The following CADM3 variants were observed in gnomAD, a reference collection of about 807,000 sequenced individuals.
CADM3 encodes cell adhesion molecule 3, also known as TSLC1-like 1.
A neutral mutation model predicts 44.9 loss-of-function variants in CADM3; 11 were observed. The ratio of observed to expected loss-of-function variants is 0.25; its 90% CI spans 0.15 to 0.41. The LOEUF is 0.41. Among genes scored for constraint, CADM3 ranks in the 10% least tolerant of loss-of-function variants. The pLI, the probability that CADM3 is intolerant of heterozygous loss-of-function variation, is 1.00. For synonymous variants in CADM3, 207 were observed against 205.2 expected, an observed-to-expected ratio of 1.01 and a Z score of -0.08; for missense variants, 426 against 512.0, an observed-to-expected ratio of 0.83 and a Z score of 1.62.
chr1:159,182,407 C>T (rs1217659949), intron 1 of CADM3, among the ~76,000 whole-genome samples: 1 of 152,154 alleles, frequency 6.6e-6, no homozygotes, highest in East Asian at 1.9e-4. Context: ...GTCAAATTAA[C>T]CACTGAATTA....
At chr1:159,171,897 C>A in intron 1 of CADM3, 44 bp downstream of exon 1, 2 of 1,181,410 alleles carry the variant, frequency 1.7e-6, no homozygotes, top group South Asian at 4.3e-5. Context: ...GGGGAGTGAC[C>A]CGAGGCGGGG....
In CADM3 at chr1:159,193,633, G is replaced by C. The variant is rs567466961; in HGVS notation, c.520+73G>C. Reference sequence around the variant, plus strand: ...GAGAGAGAAGTGCCTGTCTGTGAACGTACACAGGAGGCATGGTATGGAAGA... The same window carrying C: ...GAGAGAGAAGTGCCTGTCTGTGAACCTACACAGGAGGCATGGTATGGAAGA... On this transcript the variant is annotated intron_variant, in intron 4 of 8. Coordinates refer to ENST00000368125, the MANE Select transcript of CADM3 (RefSeq NM_001127173.3). The C allele has an allele frequency of 3.2e-4, 512 of 1,584,782 alleles. 1 individual carries two copies. The highest frequency in any genetic ancestry group is 4.0e-4 in the Non-Finnish European group (461 of 1,154,702).
chr1:159,193,360 G>A (rs1649747997), intron 3 of CADM3, 63 bp from the exon 4 acceptor site: 30 of 1,512,440 alleles, frequency 2.0e-5, no homozygotes, highest in Non-Finnish European at 2.5e-5. Context: ...TCCACAGGGA[G>A]AGCAGAAGTG....
intron 1 of CADM3, among the ~76,000 whole-genome samples, chr1:159,184,441 C>G (rs963473878): frequency 5.9e-5 from 9 of 152,158 alleles, no homozygotes; most frequent in Non-Finnish European, 8.8e-5. Flanking sequence ...GAGTCATCAT[C>G]ATCATCATCA....
At chr1:159,172,719 C>A (rs1013138350) in intron 1 of CADM3, among the ~76,000 whole-genome samples, 1 of 152,098 alleles carries the variant, frequency 6.6e-6, no homozygotes, top group African/African-American at 2.4e-5. Flanking sequence ...GGAACTCAAA[C>A]CTTCGCTGGT....
chr1:159,192,735 G>C lies in CADM3; in HGVS notation c.382+5G>C. 1.9e-6 allele frequency: 3 copies of C among 1,610,064 alleles called. No homozygotes were observed. The highest frequency in any genetic ancestry group is 2.5e-6 in the Non-Finnish European group (3 of 1,177,702). On this transcript the variant is annotated splice_donor_5th_base_variant and intron_variant, in intron 3 of 8. Coordinates refer to ENST00000368125, the MANE Select transcript of CADM3 (RefSeq NM_001127173.3). Reference sequence around the variant, plus strand: ...AGTCCCTCGTCACTGTGCTAGGTGAGACTCCCAAACCCCAGTGTCTCTACA... The same window carrying C: ...AGTCCCTCGTCACTGTGCTAGGTGACACTCCCAAACCCCAGTGTCTCTACA...
chr1:159,182,445 A>C (rs192231840), intron 1 of CADM3, among the ~76,000 whole-genome samples: 2 of 152,186 alleles, frequency 1.3e-5, no homozygotes, highest in East Asian at 3.8e-4. Flanking sequence ...GCTATAAACT[A>C]TCAATGAGTA....
chr1:159,184,966 C>T (rs1489586627), intron 1 of CADM3, among the ~76,000 whole-genome samples: 1 of 152,162 alleles, frequency 6.6e-6, no homozygotes, highest in Non-Finnish European at 1.5e-5. Flanking sequence ...TGCTGGAAAT[C>T]CTAAAGATAC....
intron 4 of CADM3, 133 bp from the exon 5 acceptor site, chr1:159,193,737 C>T (rs1649769721): frequency 1.4e-6 from 2 of 1,444,820 alleles, no homozygotes; most frequent in Admixed American, 1.9e-5. Flanking sequence ...CCTGCCACAA[C>T]TTTCTAAGTT....
chr1:159,172,347 A>C (rs887098009), intron 1 of CADM3, among the ~76,000 whole-genome samples: 4 of 152,048 alleles, frequency 2.6e-5, no homozygotes, highest in Admixed American at 2.6e-4. Flanking sequence ...GCTGTATGCA[A>C]ACATTTCTGC....
chr1:159,195,854 A>C (rs957261237), intron 5 of CADM3: 2 of 152,812 alleles, frequency 1.3e-5, no homozygotes, highest in African/African-American at 4.8e-5. Context: ...TTGCAGCCAA[A>C]ATATGACCCT....
chr1:159,202,020 G>C lies in CADM3; in HGVS notation c.*1098G>C, dbSNP rs527663596. Reference sequence around the variant, plus strand: ...AAAAGGAGCTTCACTGCAGTGAGCTGTTTCCTGCCCAAACTAAGGGAATAA... The same window carrying C: ...AAAAGGAGCTTCACTGCAGTGAGCTCTTTCCTGCCCAAACTAAGGGAATAA... On this transcript the variant is annotated 3_prime_UTR_variant, in exon 9 of 9. Coordinates refer to ENST00000368125, the MANE Select transcript of CADM3 (RefSeq NM_001127173.3). The C allele has an allele frequency of 2.0e-5, 3 of 153,240 alleles. No individual in the cohort carries two copies. In the East Asian group the frequency reaches 5.8e-4, roughly 29 times the overall value. The allele number at this position is 153,240 out of a possible 1,614,324, so 9.5% of individuals were successfully genotyped here.
At chr1:159,200,604 A>T (rs1650142143) in intron 8 of CADM3, among the ~76,000 whole-genome samples, 200 bp from the exon 9 acceptor site, 1 of 152,152 alleles carries the variant, frequency 6.6e-6, no homozygotes, top group Admixed American at 6.5e-5. Context: ...TAGGGGTAGG[A>T]TTCATTATTC....
At chr1:159,181,192 C>T (rs1009991731) in intron 1 of CADM3, among the ~76,000 whole-genome samples, 1 of 152,106 alleles carries the variant, frequency 6.6e-6, no homozygotes, top group Admixed American at 6.5e-5. Flanking sequence ...GGAACTTTTT[C>T]CCCCCAGTTT....
Position 159,193,993 on chromosome 1 carries a change from C to G in CADM3, c.644C>G (p.Ser215Cys), listed in dbSNP as rs1394310427. Residue 215 changes from serine to cysteine, a missense_variant, in exon 5 of 9, where the codon TCT becomes TGT. Around this residue, in one of 2 missense-constraint regions of CADM3, gnomAD observed 362 missense variants for 474.6 expected, o/e 0.76. Coordinates refer to ENST00000368125, the MANE Select transcript of CADM3 (RefSeq NM_001127173.3). ...ATCGTGTGCTCTGTGAACCATGAAT[C>G]TCTAAAGGGAGCTGACAGATCCACC... is the stretch of plus-strand genomic sequence containing the variant. ...ASIVCSVNHESLKGADRSTSQ... is the reference protein window; with the variant it reads ...ASIVCSVNHECLKGADRSTSQ... 11 of 1,614,170 alleles carry G rather than the reference C, an allele frequency of 6.8e-6. No individual in the cohort carries two copies. The highest frequency in any genetic ancestry group is 9.3e-6 in the Non-Finnish European group (11 of 1,180,032).
At chr1:159,184,805 G>A (rs1212458884) in intron 1 of CADM3, among the ~76,000 whole-genome samples, 1 of 152,178 alleles carries the variant, frequency 6.6e-6, no homozygotes, top group Non-Finnish European at 1.5e-5. Context: ...CTTATTATGT[G>A]TGAGACTCTG....
rs758709924 is a variant in CADM3, at chr1:159,199,767, C to T, written c.969C>T (p.Pro323=). 1.9e-6 allele frequency: 3 copies of T among 1,614,110 alleles called. No individual in the cohort carries two copies. Among genetic ancestry groups the T allele is most frequent in the Admixed American group, 1.7e-5 (1 of 60,012 alleles). The part of the protein sequence containing the change: ...TLNVNDPSPV[P]SSSSTYHAII... The stretch of plus-strand genomic sequence containing the variant: ...TTCTTCCAGACCCCAGTCCGGTGCC[C>T]TCCTCCTCCAGCACCTACCACGCCA... Residue 323 remains proline (P), a synonymous_variant, in exon 8 of 9, where the codon CCC becomes CCT. Transcript: ENST00000368125.
intron 1 of CADM3, among the ~76,000 whole-genome samples, chr1:159,177,031 C>A (rs1315869634): frequency 1.3e-5 from 2 of 152,134 alleles, no homozygotes. Flanking sequence ...TCATACCCTA[C>A]CTGACGAAAA....
chr1:159,201,133 C>A lies in CADM3; in HGVS notation c.*211C>A, dbSNP rs1650181164. On this transcript the variant is annotated 3_prime_UTR_variant, in exon 9 of 9. Coordinates refer to ENST00000368125, the MANE Select transcript of CADM3 (RefSeq NM_001127173.3). The stretch of plus-strand genomic sequence containing the variant: ...GGAGGGCGGGGGGAGGGGAGGGTTG[C>A]CCTCAGCCCTTTCCGTGGCTTCTCT... The A allele has an allele frequency of 3.3e-6, 1 of 305,950 alleles. No homozygotes were observed. Among genetic ancestry groups the A allele is most frequent in the Non-Finnish European group, 6.0e-6 (1 of 165,862 alleles). 19.0% of individuals were successfully genotyped at this position (305,950 alleles called of 1,614,324 possible).
Sources: allele counts gnomAD v4.1 joint callset (sites outside exome capture counted in the v4.1 genomes callset), GRCh38; gene constraint gnomAD v4.1.1; regional missense constraint gnomAD v4.1.1; transcripts MANE v1.5; gene names NCBI Gene and HGNC (gene_info 2026-07-23, HGNC 2026-07-21).